SGCZ: variants seen among roughly 807,000 people sequenced by gnomAD.
SGCZ encodes the protein zeta-sarcoglycan.
A neutral mutation model predicts 41.3 loss-of-function variants in SGCZ; 40 were observed. The observed-to-expected ratio is 0.97, with a 90% CI of 0.75 to 1.26. The LOEUF is 1.26. Among genes scored for constraint, SGCZ ranks in the 50% most tolerant of loss-of-function variants. SGCZ has a pLI of 0.00. For synonymous variants in SGCZ, 206 were observed against 137.5 expected (o/e 1.50, Z -3.49); for missense variants, 552 against 369.8 (o/e 1.49, Z -4.04).
chr8:14,564,434 A>G (rs1804297318), intron 1 of SGCZ, among the ~76,000 whole-genome samples: 1 of 152,146 alleles, frequency 6.6e-6, no homozygotes, highest in Non-Finnish European at 1.5e-5. Flanking sequence ...CAGCTTGTCC[A>G]TTGCCTTCTG....
intron 3 of SGCZ, among the ~76,000 whole-genome samples, chr8:14,280,868 G>T (rs759734651): frequency 6.6e-6 from 1 of 151,304 alleles, no homozygotes; most frequent in African/African-American, 2.4e-5. Flanking sequence ...ACATACTTGG[G>T]AAGAACTGAA....
At chr8:14,529,527 T>C (rs1044878274) in intron 2 of SGCZ, among the ~76,000 whole-genome samples, 2 of 152,166 alleles carry the variant, frequency 1.3e-5, no homozygotes, top group African/African-American at 4.8e-5. Flanking sequence ...TCCAGTAAGA[T>C]ACATTAGCCC....
At chr8:14,501,342 G>A (rs1003919437) in intron 2 of SGCZ, among the ~76,000 whole-genome samples, 1 of 151,810 alleles carries the variant, frequency 6.6e-6, no homozygotes, top group Non-Finnish European at 1.5e-5. Flanking sequence ...TTTCCCTTTC[G>A]CCAAATAACC....
intron 1 of SGCZ, among the ~76,000 whole-genome samples, chr8:14,818,717 AT>A (rs1477473274): frequency 6.6e-6 from 1 of 152,148 alleles, no homozygotes; most frequent in African/African-American, 2.4e-5. Context: ...TAAATGAGAA[AT>A]TCAACAAAGA....
intron 1 of SGCZ, among the ~76,000 whole-genome samples, chr8:14,828,592 G>A (rs1031272298): frequency 2.6e-5 from 4 of 152,164 alleles, no homozygotes; most frequent in Non-Finnish European, 5.9e-5. Context: ...CAGTTCTGAA[G>A]ACAAAGCACA....
intron 2 of SGCZ, among the ~76,000 whole-genome samples, chr8:14,493,491 C>T (rs1801906041): frequency 6.7e-6 from 1 of 150,030 alleles, no homozygotes; most frequent in Non-Finnish European, 1.5e-5. Context: ...CCTCAGCCTC[C>T]CGAGTAGCTG....
intron 1 of SGCZ, among the ~76,000 whole-genome samples, chr8:15,162,286 G>C (rs1320620307): frequency 6.6e-6 from 1 of 152,094 alleles, no homozygotes; most frequent in African/African-American, 2.4e-5. Context: ...TAAATAACGA[G>C]GAATTTTTTT....
At chr8:15,006,622 A>G (rs1050408973) in intron 1 of SGCZ, among the ~76,000 whole-genome samples, 13 of 152,358 alleles carry the variant, frequency 8.5e-5, no homozygotes, top group African/African-American at 3.1e-4. Flanking sequence ...ATAAATTTAC[A>G]TTAAAAATAT....
intron 2 of SGCZ, among the ~76,000 whole-genome samples, chr8:14,402,387 G>C (rs550352493): frequency 6.6e-6 from 1 of 151,902 alleles, no homozygotes; most frequent in African/African-American, 2.4e-5. Context: ...GAATGGTAAT[G>C]CCTAGGTTTT....
At chr8:14,721,296 G>A (rs2264044) in intron 1 of SGCZ, among the ~76,000 whole-genome samples, 110,498 of 152,000 alleles carry the variant, frequency 0.73, 40,259 homozygotes, top group Admixed American at 0.77. Flanking sequence ...TCTTTCCTTA[G>A]AACCAGAGAT....
intron 1 of SGCZ, among the ~76,000 whole-genome samples, chr8:14,767,228 T>C (rs1171622270): frequency 6.6e-6 from 1 of 152,168 alleles, no homozygotes; most frequent in Non-Finnish European, 1.5e-5. Flanking sequence ...TGCAGTAGCC[T>C]ACTTTTCCCC....
chr8:14,839,374 G>C (rs1802821219), intron 1 of SGCZ, among the ~76,000 whole-genome samples: 1 of 152,174 alleles, frequency 6.6e-6, no homozygotes. Flanking sequence ...ATGAGAACCT[G>C]TGTTAGGAAA....
At chr8:14,562,382 C>T (rs1346619266) in intron 1 of SGCZ, among the ~76,000 whole-genome samples, 1 of 151,794 alleles carries the variant, frequency 6.6e-6, no homozygotes, top group South Asian at 2.1e-4. Flanking sequence ...ACAATATGTG[C>T]ATAGAAAAAT....
At chr8:14,945,316 C>G (rs1800405923) in intron 1 of SGCZ, among the ~76,000 whole-genome samples, 1 of 152,042 alleles carries the variant, frequency 6.6e-6, no homozygotes, top group Non-Finnish European at 1.5e-5. Flanking sequence ...CCTCCATAAC[C>G]TTTGTCAAAT....
At chr8:14,645,314 T>C (rs1346569032) in intron 1 of SGCZ, among the ~76,000 whole-genome samples, 1 of 151,216 alleles carries the variant, frequency 6.6e-6, no homozygotes, top group Non-Finnish European at 1.5e-5. Flanking sequence ...AAAATAATCA[T>C]GATTTTTTAA....
intron 3 of SGCZ, among the ~76,000 whole-genome samples, chr8:14,289,220 T>TTG (rs1364074451): frequency 6.6e-6 from 1 of 151,226 alleles, no homozygotes; most frequent in East Asian, 1.9e-4. Flanking sequence ...ATAGTAGGAT[T>TTG]TTTTTTTTAC....
intron 3 of SGCZ, among the ~76,000 whole-genome samples, chr8:14,296,570 T>C (rs375922019): frequency 4.1e-4 from 63 of 152,304 alleles, no homozygotes; most frequent in African/African-American, 1.5e-3. Flanking sequence ...TGCAATAATA[T>C]ATGAAGTTTA....
intron 1 of SGCZ, among the ~76,000 whole-genome samples, chr8:15,080,190 A>T (rs1311674864): frequency 6.6e-6 from 1 of 152,124 alleles, no homozygotes; most frequent in Admixed American, 6.5e-5. Context: ...GCAGATATTC[A>T]GTGAAATTTT....
chr8:15,037,084 A>C (rs1424304408), intron 1 of SGCZ, among the ~76,000 whole-genome samples: 1 of 152,302 alleles, frequency 6.6e-6, no homozygotes, highest in East Asian at 1.9e-4. Flanking sequence ...GCAAAGAAGA[A>C]ATATACCTGA....
Sources: allele counts gnomAD v4.1 joint callset (sites outside exome capture counted in the v4.1 genomes callset), GRCh38; gene constraint gnomAD v4.1.1; transcripts MANE v1.5; gene names NCBI Gene and HGNC (gene_info 2026-07-23, HGNC 2026-07-21).